Variants in MMP15 observed in about 807,000 individuals in gnomAD.
MMP15 encodes matrix metallopeptidase 15.
A neutral mutation model predicts 65.0 loss-of-function variants in MMP15; 36 were observed. That is an observed-to-expected ratio of 0.55 (90% CI 0.42 to 0.73). The LOEUF (loss-of-function observed/expected upper bound fraction) is 0.73. MMP15 is among the 30% of genes least tolerant of loss of function. The probability of loss-of-function intolerance (pLI) is 0.00; values close to 1 mark genes in which losing one functional copy is unlikely to be tolerated. For synonymous variants in MMP15, 428 were observed against 410.2 expected (o/e 1.04, Z -0.52); for missense variants, 870 against 987.8 (o/e 0.88, Z 1.60).
chr16:58,031,608 G>T (rs1325664669), intron 1 of MMP15, among the ~76,000 whole-genome samples: 1 of 152,152 alleles, frequency 6.6e-6, no homozygotes, highest in African/African-American at 2.4e-5. Flanking sequence ...TGTGGGGCAG[G>T]CTGGAAGGCT....
intron 5 of MMP15, 137 bp from the exon 6 acceptor site, chr16:58,041,480 G>A: frequency 2.3e-6 from 2 of 867,580 alleles, no homozygotes; most frequent in Admixed American, 2.6e-5. Flanking sequence ...GAGGATGGAG[G>A]CAGGTGTTGG....
rs1031697368 is a variant in MMP15 at position 58,038,546 on chromosome 16, C to A, written c.440+152C>A. Reference sequence around the variant, plus strand: ...GCCACACACGCCAGGCAGTCTCCCTCGAGGGAAGGTCAGGACACTTCAAGC... The same window carrying A: ...GCCACACACGCCAGGCAGTCTCCCTAGAGGGAAGGTCAGGACACTTCAAGC... On this transcript the variant is annotated intron_variant, in intron 3 of 9. Transcript: ENST00000219271. The A allele has an allele frequency of 8.9e-6, 9 of 1,016,106 alleles. No homozygotes were observed. The Admixed American group carries it at 2.2e-4, about 24-fold the overall frequency. 62.9% of individuals were successfully genotyped at this position (1,016,106 alleles called of 1,614,324 possible).
chr16:58,030,884 T>A (rs1321072948), intron 1 of MMP15, among the ~76,000 whole-genome samples: 5 of 152,046 alleles, frequency 3.3e-5, no homozygotes, highest in African/African-American at 1.2e-4. Context: ...ATAGCAATGG[T>A]CTATCTGCTT....
At chr16:58,030,680 G>A (rs1963880700) in intron 1 of MMP15, among the ~76,000 whole-genome samples, 1 of 152,186 alleles carries the variant, frequency 6.6e-6, no homozygotes, top group Admixed American at 6.5e-5. Flanking sequence ...TCACCCTGTA[G>A]GGGTGAGAGT....
intron 1 of MMP15, among the ~76,000 whole-genome samples, chr16:58,029,805 C>G (rs1963870914): frequency 6.6e-6 from 1 of 152,004 alleles, no homozygotes; most frequent in African/African-American, 2.4e-5. Flanking sequence ...GAAATACACG[C>G]TATCCCCACC....
intron 1 of MMP15, among the ~76,000 whole-genome samples, chr16:58,036,403 C>G (rs1373850787): frequency 6.6e-6 from 1 of 152,126 alleles, no homozygotes; most frequent in African/African-American, 2.4e-5. Context: ...ACTGTAAGTT[C>G]CTGAAGGCCA....
rs1475554855 is a variant in MMP15, at chr16:58,037,714, G to A, written c.311+94G>A. Reference sequence around the variant, plus strand: ...CAGCATGTGGAGTTTCCAGAAAAGAGTGGCCTAGATAAGAGATGCCAAATG... The same window carrying A: ...CAGCATGTGGAGTTTCCAGAAAAGAATGGCCTAGATAAGAGATGCCAAATG... On this transcript the variant is annotated intron_variant, in intron 2 of 9. Transcript: ENST00000219271. 3.2e-6 allele frequency: 5 copies of A among 1,556,844 alleles called. No homozygotes were observed. In the Admixed American group the frequency reaches 7.3e-5, roughly 23 times the overall value.
At chr16:58,029,194 G>GT (rs1477112695) in intron 1 of MMP15, among the ~76,000 whole-genome samples, 3 of 152,262 alleles carry the variant, frequency 2.0e-5, no homozygotes, top group Non-Finnish European at 4.4e-5. Context: ...GGCAGCGGGG[G>GT]TGGGGGCGTT....
At chr16:58,038,423 T>G in intron 3 of MMP15, 29 bp downstream of exon 3, 1 of 1,612,568 alleles carries the variant, frequency 6.2e-7, no homozygotes, top group East Asian at 2.2e-5. Context: ...CAGGGAAGCA[T>G]CTGCCCCTCG....
chr16:58,044,283 A>G (rs948630210), intron 9 of MMP15, among the ~76,000 whole-genome samples: 2 of 152,154 alleles, frequency 1.3e-5, no homozygotes, highest in Non-Finnish European at 2.9e-5. Flanking sequence ...CTATCTCTAC[A>G]AAAACAATTT....
rs561895697 is a variant in MMP15 at position 58,042,218 on chromosome 16, A to G, written c.1165-13A>G. Reference sequence around the variant, plus strand: ...CTTGCCTGCGCTGCCCGCTCACACTATGCCCTCCCCAGGGCCGCTGGTTCT... The same window carrying G: ...CTTGCCTGCGCTGCCCGCTCACACTGTGCCCTCCCCAGGGCCGCTGGTTCT... On this transcript the variant is annotated splice_polypyrimidine_tract_variant and intron_variant, in intron 6 of 9. Coordinates refer to ENST00000219271, the MANE Select transcript of MMP15 (RefSeq NM_002428.4). 17 of 1,611,222 alleles carry G rather than the reference A, an allele frequency of 1.1e-5. No homozygotes were observed. Among genetic ancestry groups the G allele is most frequent in the South Asian group, 5.5e-5 (5 of 90,786 alleles).
chr16:58,038,466 C>G, intron 3 of MMP15, 72 bp downstream of exon 3: 5 of 1,586,996 alleles, frequency 3.2e-6, no homozygotes, highest in Non-Finnish European at 4.3e-6. Context: ...TTTCCCAGAG[C>G]CCACCTCGGC....
intron 4 of MMP15, among the ~76,000 whole-genome samples, 164 bp downstream of exon 4, chr16:58,040,346 C>G (rs541238190): frequency 3.3e-5 from 5 of 152,334 alleles, no homozygotes; most frequent in African/African-American, 4.8e-5. Flanking sequence ...CCCACCATCT[C>G]CAAGGGGAGG....
intron 3 of MMP15, among the ~76,000 whole-genome samples, chr16:58,039,214 G>A (rs558491881): frequency 6.6e-6 from 1 of 152,290 alleles, no homozygotes; most frequent in Admixed American, 6.5e-5. Flanking sequence ...GGGTGGATCA[G>A]CTGAGGTCGG....
intron 1 of MMP15, among the ~76,000 whole-genome samples, chr16:58,031,073 G>C (rs1344416614): frequency 6.6e-6 from 1 of 152,108 alleles, no homozygotes; most frequent in Non-Finnish European, 1.5e-5. Flanking sequence ...TTTAATCCTT[G>C]TATTAACTCT....
Position 58,026,653 on chromosome 16 carries a change from G to C in MMP15, c.162+141G>C, listed in dbSNP as rs1013848193. The C allele has an allele frequency of 8.2e-6, 8 of 977,214 alleles. No individual in the cohort carries two copies. In the African/African-American group the frequency reaches 1.0e-4, roughly 12 times the overall value. The allele number at this position is 977,214 out of a possible 1,614,324, so 60.5% of individuals were successfully genotyped here. A position where few individuals can be genotyped will look rare whatever the true frequency, so the allele number is the denominator to read the frequency against. On this transcript the variant is annotated intron_variant, in intron 1 of 9. Coordinates refer to ENST00000219271, the MANE Select transcript of MMP15 (RefSeq NM_002428.4). Reference sequence around the variant, plus strand: ...CCGTGGCGGGGAAGCAAGCGGACTTGGCAGTCTGCCCCTCCCCAGCTCGCC... The same window carrying C: ...CCGTGGCGGGGAAGCAAGCGGACTTCGCAGTCTGCCCCTCCCCAGCTCGCC...
intron 1 of MMP15, among the ~76,000 whole-genome samples, chr16:58,035,008 T>C (rs1276933346): frequency 6.6e-6 from 1 of 151,838 alleles, no homozygotes; most frequent in African/African-American, 2.4e-5. Context: ...CCCAGAGATA[T>C]TTTTACCTTA....
At chr16:58,032,074 G>A (rs553444916) in intron 1 of MMP15, among the ~76,000 whole-genome samples, 85 of 152,110 alleles carry the variant, frequency 5.6e-4, no homozygotes, top group African/African-American at 2.0e-3. Context: ...CACTGTGTTA[G>A]CCAGATTGTC....
chr16:58,031,012 C>T (rs1405399129), intron 1 of MMP15, among the ~76,000 whole-genome samples: 2 of 152,130 alleles, frequency 1.3e-5, no homozygotes, highest in Non-Finnish European at 2.9e-5. Context: ...CTTCAACATA[C>T]TTGTGTCTGT....
Sources: gnomAD v4.1 joint callset for allele counts (sites outside exome capture counted in the v4.1 genomes callset) on GRCh38, gnomAD v4.1.1 for gene constraint, MANE v1.5 for transcripts, NCBI Gene and HGNC (gene_info 2026-07-23, HGNC 2026-07-21) for gene names.